The following DLC1 variants were observed in gnomAD, a reference collection of about 807,000 sequenced individuals.
The protein encoded by DLC1 is rho GTPase-activating protein 7.
In DLC1, 54 loss-of-function variants were observed where a neutral mutation model predicts 140.3. That is an observed-to-expected ratio of 0.38 (90% confidence interval 0.31 to 0.48). The LOEUF (loss-of-function observed/expected upper bound fraction) is 0.48. Among genes scored for constraint, DLC1 ranks in the 20% least tolerant of loss-of-function variants. DLC1 has a pLI of 0.96. For missense variants in DLC1, 2,536 were observed against 1,907.0 expected (o/e 1.33, Z -6.14); for synonymous variants, 986 against 728.1 (o/e 1.35, Z -5.70).
rs76835661 is a variant in DLC1, at chr8:13,303,878, A to G, written c.1348+1391T>C. Among the ~76,000 whole-genome samples, 1,022 of 152,324 alleles carry G rather than the reference A, an allele frequency of 6.7e-3. 4 individuals are homozygous for G. The highest frequency in any genetic ancestry group is 0.011 in the Non-Finnish European group (729 of 68,022). On this transcript the variant is annotated intron_variant, in intron 5 of 17. Transcript: ENST00000276297. Reference sequence around the variant, plus strand: ...CAGAATGAAGTGTTTCTCCCTGCCAAACTTAAGCCATTTAACTGGAAGAGG... The same window carrying G: ...CAGAATGAAGTGTTTCTCCCTGCCAGACTTAAGCCATTTAACTGGAAGAGG...
At chr8:13,405,048 T>G (rs1414594410) in intron 2 of DLC1, among the ~76,000 whole-genome samples, 1 of 146,966 alleles carries the variant, frequency 6.8e-6, no homozygotes, top group African/African-American at 2.5e-5. Context: ...TCTGGAGGAT[T>G]TTTTTTTTTT....
intron 5 of DLC1, among the ~76,000 whole-genome samples, chr8:13,184,125 G>C (rs1295917458): frequency 1.3e-5 from 2 of 152,154 alleles, no homozygotes; most frequent in African/African-American, 4.8e-5. Flanking sequence ...AGTATTCTCT[G>C]ATGGTAGTTT....
At chr8:13,225,392 C>G (rs1828747903) in intron 5 of DLC1, among the ~76,000 whole-genome samples, 1 of 152,048 alleles carries the variant, frequency 6.6e-6, no homozygotes, top group South Asian at 2.1e-4. Flanking sequence ...CGGTTGGCAC[C>G]TACAACCAGG....
intron 1 of DLC1, among the ~76,000 whole-genome samples, chr8:13,538,466 C>T (rs528227246): frequency 6.6e-6 from 1 of 152,000 alleles, no homozygotes; most frequent in East Asian, 2.0e-4. Flanking sequence ...CTAGGGACTT[C>T]GAAGACGAGC....
At chr8:13,165,317 G>GT (rs1422903686) in intron 5 of DLC1, among the ~76,000 whole-genome samples, 3 of 152,130 alleles carry the variant, frequency 2.0e-5, no homozygotes, top group Non-Finnish European at 4.4e-5. Flanking sequence ...TGAAAGAAAG[G>GT]TAAGTGGCCT....
chr8:13,306,913 G>A (rs1450445040), intron 4 of DLC1, among the ~76,000 whole-genome samples: 4 of 151,504 alleles, frequency 2.6e-5, no homozygotes, highest in South Asian at 2.1e-4. Flanking sequence ...GTGAAACCCC[G>A]CCTCTACTAA....
chr8:13,512,122 C>G (rs1424144354), intron 1 of DLC1, among the ~76,000 whole-genome samples: 1 of 152,046 alleles, frequency 6.6e-6, no homozygotes, highest in East Asian at 1.9e-4. Context: ...CACCACTTTA[C>G]TGCACTTATT....
At chr8:13,270,058 A>G (rs1190608194) in intron 5 of DLC1, among the ~76,000 whole-genome samples, 1 of 147,708 alleles carries the variant, frequency 6.8e-6, no homozygotes, top group African/African-American at 2.5e-5. Flanking sequence ...CTCCGTCTCA[A>G]AAAAAAAAAA....
chr8:13,129,247 C>T (rs1821877773), intron 5 of DLC1, among the ~76,000 whole-genome samples: 1 of 152,252 alleles, frequency 6.6e-6, no homozygotes, highest in Non-Finnish European at 1.5e-5. Context: ...CCTTCACCTC[C>T]CTCTGCATTC....
At chr8:13,214,575 G>GTGGC in intron 5 of DLC1, 1 of 245,738 alleles carries the variant, frequency 4.1e-6, no homozygotes, top group Non-Finnish European at 6.9e-6. Flanking sequence ...TTTTTTTTTT[G>GTGGC]TGGCTGCCCG....
intron 5 of DLC1, chr8:13,132,865 G>T: frequency 1.3e-6 from 2 of 1,519,266 alleles, no homozygotes; most frequent in African/African-American, 1.4e-5. Flanking sequence ...ACAAGGCGGG[G>T]TGACACTTTC....
At chr8:13,394,132 C>T (rs1982694) in intron 3 of DLC1, among the ~76,000 whole-genome samples, 2 of 152,222 alleles carry the variant, frequency 1.3e-5, no homozygotes, top group Non-Finnish European at 2.9e-5. Context: ...GTTCTCATTT[C>T]TTCTTACCTC....
At chr8:13,199,885 C>T (rs1275291128) in intron 5 of DLC1, among the ~76,000 whole-genome samples, 1 of 152,070 alleles carries the variant, frequency 6.6e-6, no homozygotes, top group East Asian at 1.9e-4. Flanking sequence ...ACAAGTATCG[C>T]TATTGTTTTG....
At chr8:13,497,812 A>G (rs1028467693) in intron 2 of DLC1, among the ~76,000 whole-genome samples, 3 of 152,228 alleles carry the variant, frequency 2.0e-5, no homozygotes, top group Non-Finnish European at 4.4e-5. Flanking sequence ...TAACATTTTC[A>G]TAAAACTTAT....
intron 5 of DLC1, among the ~76,000 whole-genome samples, chr8:13,123,336 C>G (rs1490055928): frequency 6.6e-6 from 1 of 151,580 alleles, no homozygotes; most frequent in Non-Finnish European, 1.5e-5. Context: ...GCACCCCCCG[C>G]CCCCGCACCT....
chr8:13,491,233 C>T (rs572819699), intron 2 of DLC1, among the ~76,000 whole-genome samples: 23 of 151,742 alleles, frequency 1.5e-4, no homozygotes, highest in African/African-American at 5.1e-4. Flanking sequence ...ATTTGACACT[C>T]TCTAAACAAA....
chr8:13,271,335 G>A (rs1289835483), intron 5 of DLC1, among the ~76,000 whole-genome samples: 2 of 152,202 alleles, frequency 1.3e-5, no homozygotes, highest in African/African-American at 4.8e-5. Flanking sequence ...CAAAGGAGCA[G>A]AGAACAGTTC....
chr8:13,296,210 C>T (rs1237911533), intron 5 of DLC1, among the ~76,000 whole-genome samples: 3 of 151,960 alleles, frequency 2.0e-5, no homozygotes, highest in African/African-American at 7.3e-5. Context: ...CTCACCTCGG[C>T]CTCCCAAAGT....
At chr8:13,514,096 C>G (rs1802493872) in intron 1 of DLC1, among the ~76,000 whole-genome samples, 1 of 151,552 alleles carries the variant, frequency 6.6e-6, no homozygotes, top group African/African-American at 2.4e-5. Flanking sequence ...ATGATTGAAA[C>G]TGGCTTGGGT....
Sources: allele counts gnomAD v4.1 joint callset (sites outside exome capture counted in the v4.1 genomes callset), GRCh38; gene constraint gnomAD v4.1.1; transcripts MANE v1.5; gene names NCBI Gene and HGNC (gene_info 2026-07-23, HGNC 2026-07-21).